ZNF277: variants seen among roughly 807,000 people sequenced by gnomAD.
ZNF277 encodes the protein nuclear receptor-interacting factor 4.
ZNF277 carries 55 observed loss-of-function variants against 60.7 expected under a neutral mutation model. That is an observed-to-expected ratio of 0.91 (90% CI 0.73 to 1.13). ZNF277 has a LOEUF of 1.13. ZNF277 is among the 50% of genes most tolerant of loss of function. ZNF277 has a pLI of 0.00. For missense variants in ZNF277, 510 were observed against 523.0 expected (o/e 0.98, Z 0.24); for synonymous variants, 178 against 179.3 (o/e 0.99, Z 0.06).
At chr7:112,281,376 C>T (rs1182073193) in intron 1 of ZNF277, among the ~76,000 whole-genome samples, 1 of 152,214 alleles carries the variant, frequency 6.6e-6, no homozygotes, top group Non-Finnish European at 1.5e-5. Flanking sequence ...TATAAACATC[C>T]TCTGGTAGAG....
At chr7:112,266,636 C>G (rs1021551100) in intron 1 of ZNF277, among the ~76,000 whole-genome samples, 1 of 151,986 alleles carries the variant, frequency 6.6e-6, no homozygotes, top group African/African-American at 2.4e-5. Flanking sequence ...ACCAGCATAT[C>G]GTAACAACCA....
chr7:112,317,396 G>A (rs1453856644), intron 4 of ZNF277, among the ~76,000 whole-genome samples: 1 of 152,128 alleles, frequency 6.6e-6, no homozygotes, highest in Non-Finnish European at 1.5e-5. Flanking sequence ...TCTGCTCCAT[G>A]TTTCAGAGCC....
At chr7:112,329,982 G>C (rs1170873686) in intron 6 of ZNF277, 102 bp from the exon 7 acceptor site, 2 of 1,333,230 alleles carry the variant, frequency 1.5e-6, no homozygotes, top group Admixed American at 2.5e-5. Flanking sequence ...TGAAGATGCT[G>C]TGTAACCTAA....
intron 1 of ZNF277, among the ~76,000 whole-genome samples, chr7:112,261,516 G>A (rs956014538): frequency 6.6e-6 from 1 of 152,014 alleles, no homozygotes; most frequent in African/African-American, 2.4e-5. Context: ...CTTTTTCTGT[G>A]AGGAAAGAAT....
In ZNF277 at chr7:112,342,761, A is replaced by G; in HGVS notation, c.*32A>G. 6.9e-7 allele frequency: 1 copy of G among 1,444,412 alleles called. No individual in the cohort carries two copies. The allele number at this position is 1,444,412 out of a possible 1,614,324, so 89.5% of individuals were successfully genotyped here. A position where few individuals can be genotyped will look rare whatever the true frequency, so the allele number is the denominator to read the frequency against. ...TTGAAAACCTAGAAGAAACTACCAC[A>G]GAAGCAATTTTTCATGTTTTTCTCC... is the stretch of plus-strand genomic sequence containing the variant. On this transcript the variant is annotated 3_prime_UTR_variant, in exon 12 of 12. Coordinates refer to ENST00000361822, the MANE Select transcript of ZNF277 (RefSeq NM_021994.3).
chr7:112,280,160 T>A (rs897289272), intron 1 of ZNF277, among the ~76,000 whole-genome samples: 1 of 152,178 alleles, frequency 6.6e-6, no homozygotes, highest in African/African-American at 2.4e-5. Context: ...TGAGGTCCTC[T>A]TGTCAATTAT....
At chr7:112,287,102 A>G in intron 2 of ZNF277, 28 bp downstream of exon 2, 1 of 1,610,274 alleles carries the variant, frequency 6.2e-7, no homozygotes, top group South Asian at 1.1e-5. Flanking sequence ...CCTTAAAAGA[A>G]TTAAATTTGA....
chr7:112,314,877 A>G (rs1275607148), intron 4 of ZNF277, among the ~76,000 whole-genome samples: 1 of 152,176 alleles, frequency 6.6e-6, no homozygotes, highest in Non-Finnish European at 1.5e-5. Context: ...GATTTTATTC[A>G]GTAGAAAACA....
At chr7:112,212,947 G>A (rs888244369) in intron 1 of ZNF277, among the ~76,000 whole-genome samples, 3 of 152,138 alleles carry the variant, frequency 2.0e-5, no homozygotes, top group African/African-American at 7.2e-5. Flanking sequence ...GCCTCACAAG[G>A]TATAGGCCGT....
chr7:112,309,464 G>T (rs1792672610), intron 4 of ZNF277, among the ~76,000 whole-genome samples: 1 of 151,870 alleles, frequency 6.6e-6, no homozygotes, highest in Non-Finnish European at 1.5e-5. Flanking sequence ...TATCTGTACT[G>T]CATCATGACA....
chr7:112,314,225 C>G (rs1792792218), intron 4 of ZNF277, among the ~76,000 whole-genome samples: 2 of 152,068 alleles, frequency 1.3e-5, no homozygotes, highest in African/African-American at 4.8e-5. Flanking sequence ...TACTTCGTCA[C>G]AAAAACAGGA....
intron 9 of ZNF277, among the ~76,000 whole-genome samples, 184 bp downstream of exon 9, chr7:112,338,010 A>C (rs960571175): frequency 1.3e-5 from 2 of 152,188 alleles, no homozygotes; most frequent in African/African-American, 4.8e-5. Context: ...ACTGGACCCG[A>C]GTGAGCTGTT....
intron 1 of ZNF277, among the ~76,000 whole-genome samples, chr7:112,260,212 G>A (rs879336589): frequency 2.6e-5 from 4 of 152,138 alleles, no homozygotes; most frequent in Admixed American, 2.0e-4. Context: ...GCTGCAGTGA[G>A]CCGTGATCAC....
intron 5 of ZNF277, among the ~76,000 whole-genome samples, chr7:112,327,321 C>G (rs1793120717): frequency 6.6e-6 from 1 of 152,164 alleles, no homozygotes; most frequent in African/African-American, 2.4e-5. Flanking sequence ...AGGGTTCGCG[C>G]TCCTATGAGA....
chr7:112,288,757 CTCAG>C, intron 2 of ZNF277: 1 of 155,336 alleles, frequency 6.4e-6, no homozygotes, highest in East Asian at 1.9e-4. Flanking sequence ...AAGCTGTGTT[CTCAG>C]TCAAAGAGGA....
chr7:112,233,922 T>C (rs1052705238), intron 1 of ZNF277, among the ~76,000 whole-genome samples: 5 of 152,166 alleles, frequency 3.3e-5, no homozygotes, highest in African/African-American at 1.2e-4. Context: ...CTTTTCTGGC[T>C]ACTTTTTTTT....
chr7:112,266,426 C>A (rs534555388), intron 1 of ZNF277, among the ~76,000 whole-genome samples: 3 of 152,126 alleles, frequency 2.0e-5, no homozygotes, highest in Non-Finnish European at 4.4e-5. Context: ...GGATTACAGG[C>A]AAGAGTCACA....
chr7:112,262,163 C>T (rs908872135), intron 1 of ZNF277, among the ~76,000 whole-genome samples: 2 of 151,564 alleles, frequency 1.3e-5, no homozygotes, highest in African/African-American at 4.9e-5. Context: ...CTACAATCTG[C>T]CCTTCTAGTT....
rs1319069957 is a variant in ZNF277, at chr7:112,310,291, C to G, written c.466-7891C>G. On this transcript the variant is annotated intron_variant, in intron 4 of 11. Coordinates refer to ENST00000361822, the MANE Select transcript of ZNF277 (RefSeq NM_021994.3). ...GTCAAAGGGCCCACCATGAATAACA[C>G]AGACCCTCCAGTCACTCAGGAAATT... is the stretch of plus-strand genomic sequence containing the variant. Among the ~76,000 whole-genome samples, 2 of 151,888 alleles carry G rather than the reference C, an allele frequency of 1.3e-5. 1 individual carries two copies. The highest frequency in any genetic ancestry group is 4.8e-5 in the African/African-American group (2 of 41,340).
Sources: gnomAD v4.1 joint callset for allele counts (sites outside exome capture counted in the v4.1 genomes callset) on GRCh38, gnomAD v4.1.1 for gene constraint, MANE v1.5 for transcripts, NCBI Gene and HGNC (gene_info 2026-07-23, HGNC 2026-07-21) for gene names.